Variants in TTF2 observed in about 807,000 individuals in gnomAD.
TTF2 encodes the protein transcription termination factor 2, also known as RNA polymerase II termination factor.
In TTF2, 108 loss-of-function variants were observed where a neutral mutation model predicts 142.4. That is an observed-to-expected ratio of 0.76 (90% CI 0.65 to 0.89). TTF2 has a LOEUF of 0.89. Ranked by LOEUF, TTF2 falls within the 40% of genes least tolerant of loss-of-function variation. The probability of loss-of-function intolerance (pLI) is 0.00; values close to 1 mark genes in which losing one functional copy is unlikely to be tolerated. For synonymous variants in TTF2, 483 were observed against 506.2 expected (o/e 0.95, Z 0.61); for missense variants, 1,327 against 1,379.8 (o/e 0.96, Z 0.61).
intron 2 of TTF2, among the ~76,000 whole-genome samples, chr1:117,061,632 G>C (rs1655694774): frequency 6.6e-6 from 1 of 152,192 alleles, no homozygotes; most frequent in African/African-American, 2.4e-5. Context: ...AGTTTTGTGA[G>C]ATAGAAGCAT....
rs1196622182 is a variant in TTF2 at position 117,063,818 on chromosome 1, G to A, written c.218+1345G>A. On this transcript the variant is annotated intron_variant, in intron 3 of 22. Transcript: ENST00000369466. The surrounding 1 kb of genome is among the most constrained non-coding windows in gnomAD (Gnocchi z 4.1). Reference sequence around the variant, plus strand: ...AAGGCTTAGAAATATATCACAAACAGGATATTAATATTGGTACAACCCACC... The same window carrying A: ...AAGGCTTAGAAATATATCACAAACAAGATATTAATATTGGTACAACCCACC... Among the ~76,000 whole-genome samples the A allele has an allele frequency of 6.6e-6, 1 of 152,196 alleles. No homozygotes were observed. Among genetic ancestry groups the A allele is most frequent in the Non-Finnish European group, 1.5e-5 (1 of 68,034 alleles).
chr1:117,078,226 TAA>T (rs796431937), intron 8 of TTF2, among the ~76,000 whole-genome samples, 183 bp downstream of exon 8: 9 of 152,346 alleles, frequency 5.9e-5, no homozygotes, highest in African/African-American at 2.2e-4. Flanking sequence ...ACCCCTTTTT[TAA>T]AAAGTCATAA....
Position 117,076,878 on chromosome 1 carries a change from C to T in TTF2, c.1573+55C>T, listed in dbSNP as rs2101033916. 2 of 1,512,934 alleles carry T rather than the reference C, an allele frequency of 1.3e-6. No homozygotes were observed. The highest frequency in any genetic ancestry group is 2.3e-5 in the East Asian group (1 of 44,034). 93.7% of individuals were successfully genotyped at this position (1,512,934 alleles called of 1,614,324 possible). ...AATAGCCACCCCTGTGAGTTACGTG[C>T]CACCCGGTACAGTAGTCACCTCTTA... is the stretch of plus-strand genomic sequence containing the variant. On this transcript the variant is annotated intron_variant, in intron 7 of 22. Transcript: ENST00000369466. The surrounding 1 kb of genome is among the most constrained non-coding windows in gnomAD (Gnocchi z 4.6).
chr1:117,060,697 G>A (rs756043255), intron 2 of TTF2, 140 bp downstream of exon 2: 12 of 733,542 alleles, frequency 1.6e-5, no homozygotes, highest in Non-Finnish European at 2.5e-5. Context: ...TTAAGCAATT[G>A]GTGATCCCAG....
intron 8 of TTF2, among the ~76,000 whole-genome samples, chr1:117,078,445 A>C (rs946533760): frequency 3.3e-5 from 5 of 152,258 alleles, no homozygotes; most frequent in South Asian, 4.1e-4. Flanking sequence ...GAATAAAGGA[A>C]ACATCACTCT....
Position 117,077,955 on chromosome 1 carries a change from T to C in TTF2, c.1613T>C (p.Ile538Thr), listed in dbSNP as rs746427045. The change falls in exon 8 of 23, where the codon ATC becomes ACC. Residue 538 changes from isoleucine to threonine, a missense_variant. Coordinates refer to ENST00000369466, the MANE Select transcript of TTF2 (RefSeq NM_003594.4). ...NQDHVHAVWK[I>T]TSEAIGQLHR... Reference sequence around the variant, plus strand: ...GATCACGTTCATGCAGTGTGGAAAATCACAAGTGAAGCCATCGGTCAACTG... The same window carrying C: ...GATCACGTTCATGCAGTGTGGAAAACCACAAGTGAAGCCATCGGTCAACTG... 3 of 1,614,016 alleles carry C rather than the reference T, an allele frequency of 1.9e-6. No individual in the cohort carries two copies. The highest frequency in any genetic ancestry group is 2.5e-6 in the Non-Finnish European group (3 of 1,180,014).
intron 3 of TTF2, among the ~76,000 whole-genome samples, chr1:117,066,067 G>A (rs1174236569): frequency 1.4e-5 from 2 of 144,160 alleles, no homozygotes; most frequent in African/African-American, 5.3e-5. Context: ...AATCTCCTGG[G>A]CTCAAGCAAT....
chr1:117,060,530 A>G lies in TTF2; in HGVS notation c.104A>G (p.Asp35Gly), dbSNP rs1557794559. The part of the protein sequence containing the change: ...KGKSFYVCRA[D>G]TCSFVRATDI... ...AAGAGCTTCTACGTGTGCCGGGCAG[A>G]CACGTGCAGCTTCGTGCGGGCCACC... is the stretch of plus-strand genomic sequence containing the variant. The change falls in exon 2 of 23, where the codon GAC becomes GGC. Residue 35 changes from aspartate (D) to glycine (G), a missense_variant. Coordinates refer to ENST00000369466, the MANE Select transcript of TTF2 (RefSeq NM_003594.4). 6.2e-7 allele frequency: 1 copy of G among 1,613,630 alleles called. No individual in the cohort carries two copies. Among genetic ancestry groups the G allele is most frequent in the Non-Finnish European group, 8.5e-7 (1 of 1,179,680 alleles).
rs770906470 is a variant in TTF2, at chr1:117,096,307, C to A, written c.3186+8C>A. On this transcript the variant is annotated splice_region_variant and intron_variant, in intron 20 of 22. Transcript: ENST00000369466. ...CACTCCAGAGGCCCTCAGGTACAAG[C>A]TGGTCACATCAGAGCCGCATAATTA... 1.2e-6 allele frequency: 2 copies of A among 1,613,910 alleles called. No homozygotes were observed. Among genetic ancestry groups the A allele is most frequent in the East Asian group, 4.5e-5 (2 of 44,878 alleles).
Position 117,097,336 on chromosome 1 carries a change from T to G in TTF2, c.3187-15T>G. On this transcript the variant is annotated splice_polypyrimidine_tract_variant and intron_variant, in intron 20 of 22. Coordinates refer to ENST00000369466, the MANE Select transcript of TTF2 (RefSeq NM_003594.4). This position sits in a 1 kb window ranked among gnomAD's most constrained non-coding sequence, Gnocchi z 4.1. ...CCAAGTCTGTTTAAAGTTAATGTTG[T>G]GTTTCCTTTTGAAGGTAATGCTAAT... is the stretch of plus-strand genomic sequence containing the variant. The G allele has an allele frequency of 6.2e-7, 1 of 1,613,546 alleles. No homozygotes were observed. Among genetic ancestry groups the G allele is most frequent in the Non-Finnish European group, 8.5e-7 (1 of 1,179,430 alleles).
At position 117,100,905 on chromosome 1, in the gene TTF2, T is replaced by A. The variant is rs1649537689; in HGVS notation, c.3345-475T>A. Among the ~76,000 whole-genome samples, 1 of 152,228 alleles carries A rather than the reference T, an allele frequency of 6.6e-6. No homozygotes were observed. Among genetic ancestry groups the A allele is most frequent in the South Asian group, 2.1e-4 (1 of 4,834 alleles). On this transcript the variant is annotated intron_variant, in intron 22 of 22. Transcript: ENST00000369466. The surrounding 1 kb of genome is among the most constrained non-coding windows in gnomAD (Gnocchi z 4.6). ...CTCTCCATCCCCACACCTAGCATAGTGTAGTGAGTGCTTAATCAATACTTT... is the reference window on the plus strand; with the variant it reads ...CTCTCCATCCCCACACCTAGCATAGAGTAGTGAGTGCTTAATCAATACTTT...
chr1:117,063,111 T>A lies in TTF2; in HGVS notation c.218+638T>A, dbSNP rs1042253059. Among the ~76,000 whole-genome samples the A allele has an allele frequency of 6.6e-6, 1 of 152,222 alleles. No homozygotes were observed. The highest frequency in any genetic ancestry group is 2.1e-4 in the South Asian group (1 of 4,830). ...CTGGCCAGGAAGGTAGGGGTCAGGA[T>A]GTGATAGATGGTCTTTGTGTGATAT... On this transcript the variant is annotated intron_variant, in intron 3 of 22. Transcript: ENST00000369466. This position sits in a 1 kb window ranked among gnomAD's most constrained non-coding sequence, Gnocchi z 4.1.
chr1:117,078,873 A>G (rs1411904989), intron 8 of TTF2, among the ~76,000 whole-genome samples: 4 of 152,200 alleles, frequency 2.6e-5, no homozygotes, highest in African/African-American at 9.7e-5. Context: ...AAGGAGAGGC[A>G]AATTTAAGAG....
At position 117,099,036 on chromosome 1, in the gene TTF2, C is replaced by A; in HGVS notation, c.3344+129C>A. ...GACTTTACTGATGATGCCCCTGAGGCATACCTTCAGGCAAACCACAGTCAG... is the reference window on the plus strand; with the variant it reads ...GACTTTACTGATGATGCCCCTGAGGAATACCTTCAGGCAAACCACAGTCAG... On this transcript the variant is annotated intron_variant, in intron 22 of 22. Coordinates refer to ENST00000369466, the MANE Select transcript of TTF2 (RefSeq NM_003594.4). This position sits in a 1 kb window ranked among gnomAD's most constrained non-coding sequence, Gnocchi z 4.3. 1 of 823,170 alleles carries A rather than the reference C, an allele frequency of 1.2e-6. No homozygotes were observed. The highest frequency in any genetic ancestry group is 1.8e-6 in the Non-Finnish European group (1 of 559,636). 51.0% of individuals were successfully genotyped at this position (823,170 alleles called of 1,614,324 possible).
intron 3 of TTF2, among the ~76,000 whole-genome samples, chr1:117,071,335 A>T (rs1171436299): frequency 1.3e-5 from 2 of 152,154 alleles, no homozygotes; most frequent in African/African-American, 4.8e-5. Context: ...AATAATAAAA[A>T]CAAGGATCTT....
chr1:117,062,266 C>A, intron 2 of TTF2, 121 bp from the exon 3 acceptor site: 1 of 838,096 alleles, frequency 1.2e-6, no homozygotes, highest in Non-Finnish European at 1.9e-6. Flanking sequence ...GTGGGAATTA[C>A]AAACCCAGTA....
chr1:117,082,808 G>C (rs1334561597), intron 10 of TTF2, among the ~76,000 whole-genome samples: 1 of 152,108 alleles, frequency 6.6e-6, no homozygotes, highest in African/African-American at 2.4e-5. Flanking sequence ...GGGCAAGAAA[G>C]CAAGACACTG....
At position 117,090,233 on chromosome 1, in the gene TTF2, G is replaced by C; in HGVS notation, c.2496+25G>C. 6.2e-7 allele frequency: 1 copy of C among 1,610,176 alleles called. No homozygotes were observed. The highest frequency in any genetic ancestry group is 1.7e-5 in the Admixed American group (1 of 59,686). On this transcript the variant is annotated intron_variant, in intron 14 of 22. Transcript: ENST00000369466. The surrounding 1 kb of genome is among the most constrained non-coding windows in gnomAD (Gnocchi z 4.8). ...GGTAATCAAGTTTGTACCTGTCCCT[G>C]GGGGAGGCCAGGGAAGGAACATGAC...
rs1649915950 is a variant in TTF2, at chr1:117,106,137, G to A, written c.*4613G>A. On this transcript the variant is annotated 3_prime_UTR_variant, in exon 23 of 23. Transcript: ENST00000369466. ...TTAAAAGCACATCTGTAGGCACAAA[G>A]AGAATTATAATAGAAATTCAGAATT... 6.6e-6 allele frequency: 1 copy of A among 152,172 alleles called. No individual in the cohort carries two copies. Among genetic ancestry groups the A allele is most frequent in the African/African-American group, 2.4e-5 (1 of 41,438 alleles). 9.4% of individuals were successfully genotyped at this position (152,172 alleles called of 1,614,324 possible).
Sources: allele counts gnomAD v4.1 joint callset (sites outside exome capture counted in the v4.1 genomes callset), GRCh38; gene constraint gnomAD v4.1.1; non-coding constraint Gnocchi (gnomAD v3.1); transcripts MANE v1.5; gene names NCBI Gene and HGNC (gene_info 2026-07-23, HGNC 2026-07-21).